PSORS1C1: variants seen among roughly 807,000 people sequenced by gnomAD.
PSORS1C1 encodes the protein psoriasis susceptibility 1 candidate gene 1 protein.
PSORS1C1 carries 7 observed loss-of-function variants against 9.4 expected under a neutral mutation model. The ratio of observed to expected loss-of-function variants is 0.75; its 90% CI spans 0.42 to 1.40. The LOEUF (loss-of-function observed/expected upper bound fraction) is 1.40. Among genes scored for constraint, PSORS1C1 ranks in the 40% most tolerant of loss-of-function variants. PSORS1C1 has a pLI of 0.01. For missense variants in PSORS1C1, 146 were observed against 178.1 expected (o/e 0.82, Z 1.02); for synonymous variants, 63 against 69.4 (o/e 0.91, Z 0.46).
intron 1 of PSORS1C1, among the ~76,000 whole-genome samples, chr6:31,123,690 G>A (rs747814946): frequency 1.6e-4 from 25 of 152,184 alleles, no homozygotes; most frequent in Non-Finnish European, 2.4e-4. Context: ...GCAGGTCACT[G>A]TCCCCTCTGG....
intron 1 of PSORS1C1, among the ~76,000 whole-genome samples, chr6:31,124,686 C>T (rs1430072064): frequency 6.6e-6 from 1 of 152,218 alleles, no homozygotes; most frequent in African/African-American, 2.4e-5. Context: ...GCTGTCAAAG[C>T]TGGCCAGGTA....
chr6:31,117,328 C>T, intron 1 of PSORS1C1: 3 of 1,576,952 alleles, frequency 1.9e-6, no homozygotes, highest in Non-Finnish European at 2.6e-6. Flanking sequence ...CTGGGCAATG[C>T]TGGATCCGCT....
intron 3 of PSORS1C1, among the ~76,000 whole-genome samples, chr6:31,134,561 T>A (rs1393582583): frequency 6.6e-6 from 1 of 152,208 alleles, no homozygotes; most frequent in Non-Finnish European, 1.5e-5. Context: ...CGCCTTGGCC[T>A]CCCGAAGTGC....
intron 3 of PSORS1C1, among the ~76,000 whole-genome samples, chr6:31,130,614 C>T (rs13196363): frequency 0.22 from 33,057 of 151,658 alleles, 4,161 homozygotes; most frequent in African/African-American, 0.34. Context: ...AGGGTTTCAC[C>T]GTGGTCTCGA....
At chr6:31,120,382 C>A (rs1048238270) in intron 1 of PSORS1C1, 3 of 1,593,938 alleles carry the variant, frequency 1.9e-6, no homozygotes, top group Non-Finnish European at 2.6e-6. Context: ...CCCGTGCCCA[C>A]CCACACGCCC....
At chr6:31,116,052 G>C (rs766911427) in intron 1 of PSORS1C1, 5 of 1,612,064 alleles carry the variant, frequency 3.1e-6, no homozygotes, top group Non-Finnish European at 4.2e-6. Context: ...ACTCTCCTTG[G>C]GGTAGGAAAA....
At chr6:31,122,678 C>T (rs913521421) in intron 1 of PSORS1C1, among the ~76,000 whole-genome samples, 1 of 152,184 alleles carries the variant, frequency 6.6e-6, no homozygotes, top group Non-Finnish European at 1.5e-5. Flanking sequence ...ACTCGGGAGG[C>T]TGAGGCAGGA....
In PSORS1C1 at chr6:31,115,997, G is replaced by A. The variant is rs1451460057; in HGVS notation, c.-229+1106G>A. 1.3e-6 allele frequency: 2 copies of A among 1,582,902 alleles called. No individual in the cohort carries two copies. Among genetic ancestry groups the A allele is most frequent in the Non-Finnish European group, 1.7e-6 (2 of 1,159,856 alleles). On this transcript the variant is annotated intron_variant, in intron 1 of 5. Transcript: ENST00000259881. This position sits in a 1 kb window ranked among gnomAD's most constrained non-coding sequence, Gnocchi z 4.2. ...AGTGTATGTGCTTGTTTGTGCCCAA[G>A]GCATGCACACACACAACAGTTGACT...
chr6:31,120,622 T>C (rs1385793917), intron 1 of PSORS1C1, among the ~76,000 whole-genome samples: 1 of 152,102 alleles, frequency 6.6e-6, no homozygotes, highest in African/African-American at 2.4e-5. Context: ...CAGCAGTGGC[T>C]GCAGTGTGGG....
chr6:31,116,283 G>A (rs1772110784), intron 1 of PSORS1C1: 1 of 1,614,158 alleles, frequency 6.2e-7, no homozygotes, highest in Non-Finnish European at 8.5e-7. Flanking sequence ...AAGGCTGAAG[G>A]ATGATTTTGC....
chr6:31,130,050 T>C (rs1378482803), intron 3 of PSORS1C1, among the ~76,000 whole-genome samples: 2 of 152,086 alleles, frequency 1.3e-5, no homozygotes, highest in African/African-American at 4.8e-5. Context: ...TAACTGCACC[T>C]CTGCACTGTC....
intron 1 of PSORS1C1, among the ~76,000 whole-genome samples, chr6:31,123,602 C>T (rs1772555842): frequency 6.6e-6 from 1 of 152,240 alleles, no homozygotes; most frequent in Non-Finnish European, 1.5e-5. Flanking sequence ...AGACACTCTA[C>T]ACCCGAGAAA....
At position 31,130,513 on chromosome 6, in the gene PSORS1C1, G is replaced by A. The variant is rs189785266; in HGVS notation, c.13+868G>A. On this transcript the variant is annotated intron_variant, in intron 3 of 5. Transcript: ENST00000259881. ...TGCAACGTCCGCCTCCCGGGTTCAC[G>A]CCATTCTCCTACCTCAGCCTCCCGA... Among the ~76,000 whole-genome samples the A allele has an allele frequency of 5.3e-3, 800 of 151,888 alleles. 5 individuals are homozygous for A. The highest frequency in any genetic ancestry group is 0.01 in the Middle Eastern group (3 of 294).
At chr6:31,138,592 TAC>T in intron 4 of PSORS1C1, 62 bp from the exon 5 acceptor site, 1 of 1,610,964 alleles carries the variant, frequency 6.2e-7, no homozygotes, top group South Asian at 1.1e-5. Flanking sequence ...CTGGTTGGGG[TAC>T]CCCACTAGCT....
At chr6:31,137,034 G>C (rs1281239227) in intron 3 of PSORS1C1, among the ~76,000 whole-genome samples, 2 of 152,084 alleles carry the variant, frequency 1.3e-5, no homozygotes, top group East Asian at 3.9e-4. Context: ...TGTAATCCCA[G>C]CTACTCAGAA....
chr6:31,131,597 C>CAAAAAAA lies in PSORS1C1; in HGVS notation c.13+1969_13+1975dup, dbSNP rs9281219. Reference sequence around the variant, plus strand: ...GGGTGAAAAGAGCAAGACTCCGTCTCAAAAAAAAAAAAAAAAAAAAAAAGA... The same window carrying CAAAAAAA: ...GGGTGAAAAGAGCAAGACTCCGTCTCAAAAAAAAAAAAAAAAAAAAAAAAAAAAAAGA... On this transcript the variant is annotated intron_variant, in intron 3 of 5. Transcript: ENST00000259881. Among the ~76,000 whole-genome samples, 113 of 78,324 alleles carry CAAAAAAA rather than the reference C, an allele frequency of 1.4e-3. 1 individual carries two copies. The highest frequency in any genetic ancestry group is 2.2e-3 in the Non-Finnish European group (93 of 42,112). The allele number at this position is 78,324 out of a possible 152,430, so 51.4% of individuals were successfully genotyped here.
intron 2 of PSORS1C1, among the ~76,000 whole-genome samples, chr6:31,127,175 C>A (rs773431235): frequency 6.6e-6 from 1 of 152,106 alleles, no homozygotes; most frequent in Non-Finnish European, 1.5e-5. Context: ...GAGGAGAGGC[C>A]GGAAAGACTT....
At chr6:31,134,841 C>G (rs3130566) in intron 3 of PSORS1C1, among the ~76,000 whole-genome samples, 13,824 of 151,972 alleles carry the variant, frequency 0.091, 824 homozygotes, top group East Asian at 0.15. Flanking sequence ...TTTTGAGACA[C>G]GGTCTCACTC....
At chr6:31,131,088 T>C (rs944107693) in intron 3 of PSORS1C1, among the ~76,000 whole-genome samples, 2 of 152,134 alleles carry the variant, frequency 1.3e-5, no homozygotes, top group African/African-American at 2.4e-5. Flanking sequence ...TATGAGCTCC[T>C]GCACTTGGCA....
Sources: allele counts gnomAD v4.1 joint callset (sites outside exome capture counted in the v4.1 genomes callset), GRCh38; gene constraint gnomAD v4.1.1; non-coding constraint Gnocchi (gnomAD v3.1); transcripts MANE v1.5; gene names NCBI Gene and HGNC (gene_info 2026-07-23, HGNC 2026-07-21).